PCBP3: variants seen among roughly 807,000 people sequenced by gnomAD.
PCBP3 encodes poly(rC) binding protein 3.
Under a neutral mutation model 52.7 loss-of-function variants are expected in PCBP3, and 25 were observed. That is an observed-to-expected ratio of 0.47 (90% CI 0.35 to 0.66). The LOEUF (loss-of-function observed/expected upper bound fraction) is 0.66, where lower values mean the gene tolerates loss of function less well. Among genes scored for constraint, PCBP3 ranks in the 30% least tolerant of loss-of-function variants. The pLI, the probability that PCBP3 is intolerant of heterozygous loss-of-function variation, is 0.01. For synonymous variants in PCBP3, 162 were observed against 183.0 expected, an observed-to-expected ratio of 0.89 and a Z score of 0.93; for missense variants, 391 against 490.3, an observed-to-expected ratio of 0.80 and a Z score of 1.91.
At chr21:45,692,629 C>G (rs2082550932) in intron 2 of PCBP3, among the ~76,000 whole-genome samples, 1 of 152,152 alleles carries the variant, frequency 6.6e-6, no homozygotes, top group African/African-American at 2.4e-5. Flanking sequence ...AGGCCCATAT[C>G]TACTATATAA....
At chr21:45,864,363 A>G (rs1318279847) in intron 5 of PCBP3, among the ~76,000 whole-genome samples, 1 of 152,180 alleles carries the variant, frequency 6.6e-6, no homozygotes, top group Non-Finnish European at 1.5e-5. Flanking sequence ...TAAAATGGGG[A>G]AGAACATGAT....
intron 7 of PCBP3, among the ~76,000 whole-genome samples, chr21:45,900,288 A>G (rs946346232): frequency 5.3e-5 from 8 of 152,182 alleles, no homozygotes; most frequent in African/African-American, 1.9e-4. Context: ...GCACACTGCC[A>G]TGTGCCATGA....
rs2073770002 is a variant in PCBP3 at position 45,917,906 on chromosome 21, T to A, written c.717+277T>A. On this transcript the variant is annotated intron_variant, in intron 13 of 17. Transcript: ENST00000681687. The surrounding 1 kb of genome is among the most constrained non-coding windows in gnomAD (Gnocchi z 5.3). ...CCTCCCACGGGGCCTGGGAGGGAACTGAGACGGGCTCTGTCCCCGTGCAGG... is the reference window on the plus strand; with the variant it reads ...CCTCCCACGGGGCCTGGGAGGGAACAGAGACGGGCTCTGTCCCCGTGCAGG... 2 of 483,126 alleles carry A rather than the reference T, an allele frequency of 4.1e-6. No homozygotes were observed. Among genetic ancestry groups the A allele is most frequent in the African/African-American group, 2.0e-5 (1 of 50,800 alleles). The allele number at this position is 483,126 out of a possible 1,614,324, so 29.9% of individuals were successfully genotyped here.
chr21:45,762,486 C>CTTTTTTTTTTTTTTTTTTT (rs1401689005), intron 4 of PCBP3: 4 of 95,260 alleles, frequency 4.2e-5, no homozygotes, highest in African/African-American at 1.3e-4. Context: ...CTTTTCTTTT[C>CTTTTTTTTTTTTTTTTTTT]TTCTCTTTTT....
intron 4 of PCBP3, among the ~76,000 whole-genome samples, chr21:45,771,281 C>T (rs945168695): frequency 1.3e-5 from 2 of 152,154 alleles, no homozygotes; most frequent in Non-Finnish European, 1.5e-5. Context: ...ATATTCCACA[C>T]GGGGTCCCAT....
intron 4 of PCBP3, among the ~76,000 whole-genome samples, chr21:45,780,787 G>A (rs1182003728): frequency 6.6e-6 from 1 of 152,224 alleles, no homozygotes; most frequent in Non-Finnish European, 1.5e-5. Flanking sequence ...ACCAGCAGGT[G>A]GGGAGCAAGA....
chr21:45,842,843 C>A (rs73380656), intron 4 of PCBP3, among the ~76,000 whole-genome samples: 4,077 of 152,236 alleles, frequency 0.027, 193 homozygotes, highest in African/African-American at 0.092. Context: ...CCCCTCTGAC[C>A]GGGCAGGGTG....
Position 45,913,947 on chromosome 21 carries a change from C to T in PCBP3, c.601-4C>T. 6.2e-7 allele frequency: 1 copy of T among 1,610,030 alleles called. No individual in the cohort carries two copies. The highest frequency in any genetic ancestry group is 1.1e-5 in the South Asian group (1 of 90,570). ...CTCTCTCCCTCTCCTGTCCCTTTTCCTAGTCCCCACCGAAAGGTGCCACCA... is the reference window on the plus strand; with the variant it reads ...CTCTCTCCCTCTCCTGTCCCTTTTCTTAGTCCCCACCGAAAGGTGCCACCA... On this transcript the variant is annotated splice_polypyrimidine_tract_variant and splice_region_variant and intron_variant, in intron 11 of 17. Transcript: ENST00000681687.
At chr21:45,897,381 G>A (rs776455477) in intron 6 of PCBP3, among the ~76,000 whole-genome samples, 14 of 152,204 alleles carry the variant, frequency 9.2e-5, no homozygotes, top group Admixed American at 7.2e-4. Flanking sequence ...CACAGCGTGT[G>A]TGGAGCACCC....
intron 5 of PCBP3, among the ~76,000 whole-genome samples, chr21:45,851,489 G>C (rs1311884758): frequency 2.0e-5 from 3 of 152,154 alleles, no homozygotes; most frequent in African/African-American, 7.2e-5. Context: ...TCCAGCCTGG[G>C]CCATGGAGTG....
intron 2 of PCBP3, among the ~76,000 whole-genome samples, chr21:45,692,521 C>T (rs1390948068): frequency 2.6e-5 from 4 of 152,224 alleles, no homozygotes; most frequent in African/African-American, 9.6e-5. Flanking sequence ...GCGTATTAAA[C>T]AACTGGGAAT....
intron 4 of PCBP3, chr21:45,763,895 C>G (rs1466984274): frequency 6.6e-6 from 1 of 152,266 alleles, no homozygotes; most frequent in Non-Finnish European, 1.5e-5. Context: ...ATCACTGGGT[C>G]ATTGGATCTG....
chr21:45,930,502 C>G (rs2076040717), intron 14 of PCBP3, among the ~76,000 whole-genome samples: 1 of 152,222 alleles, frequency 6.6e-6, no homozygotes, highest in Non-Finnish European at 1.5e-5. Context: ...ATGAGGCCAT[C>G]AAGGGTGGCC....
rs138471691 is a variant in PCBP3, at chr21:45,891,727, A to G, written c.11-4481A>G. 5.1e-3 allele frequency among the ~76,000 whole-genome samples: 782 copies of G among 152,352 alleles called. 29 individuals carry two copies. The highest frequency in any genetic ancestry group is 0.042 in the Admixed American group (645 of 15,308). The stretch of plus-strand genomic sequence containing the variant: ...ATTAACCATCAATGATACCTTTAAA[A>G]GGCCATGACACCACATTACACACGC... On this transcript the variant is annotated intron_variant, in intron 5 of 17. Coordinates refer to ENST00000681687, the MANE Select transcript of PCBP3 (RefSeq NM_001384156.1).
At chr21:45,864,957 T>C (rs1463414433) in intron 5 of PCBP3, among the ~76,000 whole-genome samples, 1 of 152,226 alleles carries the variant, frequency 6.6e-6, no homozygotes, top group Non-Finnish European at 1.5e-5. Flanking sequence ...ACATTCTGCA[T>C]TTAGGCTAAT....
intron 13 of PCBP3, among the ~76,000 whole-genome samples, chr21:45,923,550 T>C (rs942623836): frequency 6.6e-6 from 1 of 152,192 alleles, no homozygotes; most frequent in Non-Finnish European, 1.5e-5. Context: ...AACGAGACTT[T>C]GCATCTTTAC....
chr21:45,731,335 C>T (rs190721627), intron 2 of PCBP3, among the ~76,000 whole-genome samples: 4 of 152,282 alleles, frequency 2.6e-5, no homozygotes, highest in African/African-American at 9.6e-5. Flanking sequence ...CTGAAAACAC[C>T]GTTTTTAGGC....
At chr21:45,666,484 G>T (rs1904376934) in intron 1 of PCBP3, among the ~76,000 whole-genome samples, 1 of 152,042 alleles carries the variant, frequency 6.6e-6, no homozygotes, top group South Asian at 2.1e-4. Context: ...GTACTATCTA[G>T]TGTCCTTTAA....
chr21:45,874,572 C>T (rs568492245), intron 5 of PCBP3, among the ~76,000 whole-genome samples: 1 of 148,084 alleles, frequency 6.8e-6, no homozygotes, highest in East Asian at 2.0e-4. Flanking sequence ...GTGGCGCGAT[C>T]TCGGCTTACT....
Sources: gnomAD v4.1 joint callset for allele counts (sites outside exome capture counted in the v4.1 genomes callset) on GRCh38, gnomAD v4.1.1 for gene constraint, Gnocchi (gnomAD v3.1) non-coding constraint, MANE v1.5 for transcripts, NCBI Gene and HGNC (gene_info 2026-07-23, HGNC 2026-07-21) for gene names.